AHDC1: variants seen among roughly 807,000 people sequenced by gnomAD.
The protein encoded by AHDC1 is AT-hook DNA binding motif containing 1.
Under a neutral mutation model 87.9 loss-of-function variants are expected in AHDC1, and 7 were observed. The ratio of observed to expected loss-of-function variants is 0.08; its 90% CI spans 0.05 to 0.15. AHDC1 has a LOEUF of 0.15. Among genes scored for constraint, AHDC1 ranks in the 10% least tolerant of loss-of-function variants. The probability of loss-of-function intolerance (pLI) is 1.00; values close to 1 mark genes in which losing one functional copy is unlikely to be tolerated. For synonymous variants in AHDC1, 1,051 were observed against 1,006.8 expected, an observed-to-expected ratio of 1.04 and a Z score of -0.83; for missense variants, 1,841 against 2,253.2, an observed-to-expected ratio of 0.82 and a Z score of 3.70.
intron 5 of AHDC1, among the ~76,000 whole-genome samples, chr1:27,557,186 A>G (rs1437450037): frequency 7.0e-6 from 1 of 143,370 alleles, no homozygotes; most frequent in Non-Finnish European, 1.5e-5. Flanking sequence ...CTCTGGCTGG[A>G]CCCGAGGGTC....
At chr1:27,592,450 G>A (rs1179936292) in intron 3 of AHDC1, among the ~76,000 whole-genome samples, 2 of 152,220 alleles carry the variant, frequency 1.3e-5, no homozygotes, top group Non-Finnish European at 2.9e-5. Context: ...GGGAGGAGAA[G>A]ACCACAGGGG....
At position 27,565,476 on chromosome 1, in the gene AHDC1, C is replaced by T. The variant is rs1168901510; in HGVS notation, c.-628-6593G>A. On this transcript the variant is annotated intron_variant, in intron 3 of 8. Coordinates refer to ENST00000673934, the MANE Select transcript of AHDC1 (RefSeq NM_001371928.1). The surrounding 1 kb of genome is among the most constrained non-coding windows in gnomAD (Gnocchi z 4.6). ...AGGGGCTGCCAGTCTTGAAGGGAGG[C>T]GAGGCACTGTCCTCCACCCAACCCT... 2.0e-5 allele frequency among the ~76,000 whole-genome samples: 3 copies of T among 152,194 alleles called. No homozygotes were observed. Among genetic ancestry groups the T allele is most frequent in the Non-Finnish European group, 2.9e-5 (2 of 68,036 alleles).
rs190887425 is a variant in AHDC1 at position 27,593,628 on chromosome 1, C to G, written c.-629+9769G>C. Among the ~76,000 whole-genome samples the G allele has an allele frequency of 6.6e-6, 1 of 152,222 alleles. No homozygotes were observed. The highest frequency in any genetic ancestry group is 2.4e-5 in the African/African-American group (1 of 41,456). On this transcript the variant is annotated intron_variant, in intron 3 of 8. Transcript: ENST00000673934. This position sits in a 1 kb window ranked among gnomAD's most constrained non-coding sequence, Gnocchi z 4.9. ...GGATGGGCACATATGTGCAAACACC[C>G]CCGGTGGGTCTTGGCATGCCTGCCC...
intron 3 of AHDC1, among the ~76,000 whole-genome samples, chr1:27,566,074 G>A (rs2020302426): frequency 6.6e-6 from 1 of 152,176 alleles, no homozygotes. Flanking sequence ...ATCTTCATAG[G>A]CCTGGGAAGG....
At chr1:27,554,192 G>A (rs985543050) in intron 5 of AHDC1, among the ~76,000 whole-genome samples, 39 of 152,324 alleles carry the variant, frequency 2.6e-4, no homozygotes, top group African/African-American at 8.9e-4. Context: ...GAAGGATGCT[G>A]AGAGAGGGAC....
intron 3 of AHDC1, among the ~76,000 whole-genome samples, chr1:27,592,789 G>A (rs1225637051): frequency 2.6e-5 from 4 of 152,186 alleles, no homozygotes; most frequent in East Asian, 1.9e-4. Flanking sequence ...TGGCTGAGCC[G>A]GCTGCCGGTT....
chr1:27,602,289 G>A (rs1459815601), intron 3 of AHDC1, among the ~76,000 whole-genome samples: 4 of 151,766 alleles, frequency 2.6e-5, no homozygotes, highest in African/African-American at 4.8e-5. Context: ...CTCCCGCTCT[G>A]TGCCCGCTGC....
intron 3 of AHDC1, among the ~76,000 whole-genome samples, chr1:27,570,058 C>T (rs1254196415): frequency 6.6e-6 from 1 of 152,056 alleles, no homozygotes; most frequent in African/African-American, 2.4e-5. Context: ...TGTTAACCCT[C>T]TGCATTCCTC....
chr1:27,547,199 G>T lies in AHDC1; in HGVS notation c.*43+62C>A. ...ACTCCATACCTCTGTCCTTGCCTAA[G>T]CTCTGATGTCCTCTTCCCACCCCCA... On this transcript the variant is annotated intron_variant, in intron 8 of 8. Transcript: ENST00000673934. The surrounding 1 kb of genome is among the most constrained non-coding windows in gnomAD (Gnocchi z 4.9). 8.3e-7 allele frequency: 1 copy of T among 1,207,368 alleles called. No individual in the cohort carries two copies. The highest frequency in any genetic ancestry group is 1.1e-6 in the Non-Finnish European group (1 of 869,584). The allele number at this position is 1,207,368 out of a possible 1,614,324, so 74.8% of individuals were successfully genotyped here.
chr1:27,554,448 G>A (rs2019733685), intron 5 of AHDC1, among the ~76,000 whole-genome samples: 2 of 152,176 alleles, frequency 1.3e-5, no homozygotes. Flanking sequence ...GTTTATCGCT[G>A]TATCACCTGA....
At chr1:27,570,093 C>A (rs1010553272) in intron 3 of AHDC1, among the ~76,000 whole-genome samples, 2 of 151,920 alleles carry the variant, frequency 1.3e-5, no homozygotes, top group African/African-American at 4.8e-5. Flanking sequence ...GGGCCCCCAG[C>A]GGGTCTCAGG....
chr1:27,584,913 C>T (rs2089007180), intron 3 of AHDC1, among the ~76,000 whole-genome samples: 1 of 152,138 alleles, frequency 6.6e-6, no homozygotes, highest in Non-Finnish European at 1.5e-5. Context: ...TGGCTCACAC[C>T]TGTAATCTCA....
intron 8 of AHDC1, among the ~76,000 whole-genome samples, chr1:27,537,509 G>A (rs145432360): frequency 6.6e-4 from 101 of 152,226 alleles, no homozygotes; most frequent in Admixed American, 1.1e-3. Context: ...GTGACAGAGC[G>A]GGGACTGACC....
intron 8 of AHDC1, among the ~76,000 whole-genome samples, chr1:27,536,962 G>A (rs957613521): frequency 6.6e-6 from 1 of 151,290 alleles, no homozygotes; most frequent in African/African-American, 2.4e-5. Flanking sequence ...CCATTCCCGC[G>A]GTGCCTGCGG....
At chr1:27,589,807 C>T (rs1054621195) in intron 3 of AHDC1, among the ~76,000 whole-genome samples, 5 of 152,170 alleles carry the variant, frequency 3.3e-5, no homozygotes, top group African/African-American at 7.2e-5. Context: ...TGGGATCATT[C>T]GTCTTCCTGT....
At position 27,593,606 on chromosome 1, in the gene AHDC1, T is replaced by C. The variant is rs2089287830; in HGVS notation, c.-629+9791A>G. On this transcript the variant is annotated intron_variant, in intron 3 of 8. Transcript: ENST00000673934. This position sits in a 1 kb window ranked among gnomAD's most constrained non-coding sequence, Gnocchi z 4.9. The stretch of plus-strand genomic sequence containing the variant: ...GGCATGCCAGCTGTGCCAGGGCGGA[T>C]GGGCACATATGTGCAAACACCCCCG... 6.6e-6 allele frequency among the ~76,000 whole-genome samples: 1 copy of C among 152,210 alleles called. No homozygotes were observed. The highest frequency in any genetic ancestry group is 2.4e-5 in the African/African-American group (1 of 41,452).
At chr1:27,542,316 C>A (rs1176659792) in intron 8 of AHDC1, among the ~76,000 whole-genome samples, 2 of 152,162 alleles carry the variant, frequency 1.3e-5, no homozygotes, top group Admixed American at 1.3e-4. Context: ...ATTGCTAACG[C>A]AAAGAACTAG....
Position 27,558,850 on chromosome 1 carries a change from A to T in AHDC1, c.-595T>A. 1 of 398,692 alleles carries T rather than the reference A, an allele frequency of 2.5e-6. No homozygotes were observed. The highest frequency in any genetic ancestry group is 4.4e-6 in the Non-Finnish European group (1 of 226,110). 24.7% of individuals were successfully genotyped at this position (398,692 alleles called of 1,614,324 possible). ...CTCAACTGGGTGGGCTCTGGGGTCC[A>T]GGCCGATGGGTTGACAATCAGGCAA... On this transcript the variant is annotated 5_prime_UTR_variant, in exon 4 of 9. Transcript: ENST00000673934. The surrounding 1 kb of genome is among the most constrained non-coding windows in gnomAD (Gnocchi z 5.6).
chr1:27,547,795 G>T lies in AHDC1; in HGVS notation c.4321C>A (p.Gln1441Lys). The change falls in exon 8 of 9, where the codon CAG becomes AAG. Residue 1441 changes from glutamine to lysine, a missense_variant. Around this residue, in one of 13 missense-constraint regions of AHDC1, gnomAD observed 505 missense variants for 626.2 expected, o/e 0.81. Coordinates refer to ENST00000673934, the MANE Select transcript of AHDC1 (RefSeq NM_001371928.1). The surrounding 1 kb of genome is among the most constrained non-coding windows in gnomAD (Gnocchi z 4.9). ...GASLGHAAAA[Q>K]AHLSCRDLPL... ...AGGTCCCGGCAGCTCAGGTGGGCCT[G>T]GGCTGCAGCTGCGTGGCCCAGGCTG... 1 of 1,568,898 alleles carries T rather than the reference G, an allele frequency of 6.4e-7. No homozygotes were observed. The highest frequency in any genetic ancestry group is 1.2e-5 in the South Asian group (1 of 85,134).
Sources: allele counts gnomAD v4.1 joint callset (sites outside exome capture counted in the v4.1 genomes callset), GRCh38; gene constraint gnomAD v4.1.1; regional missense constraint gnomAD v4.1.1; non-coding constraint Gnocchi (gnomAD v3.1); transcripts MANE v1.5; gene names NCBI Gene and HGNC (gene_info 2026-07-23, HGNC 2026-07-21).